The following SESTD1 variants were observed in gnomAD, a reference collection of about 807,000 sequenced individuals.
The protein encoded by SESTD1 is SEC14 domain and spectrin repeat-containing protein 1.
SESTD1 carries 43 observed loss-of-function variants against 101.7 expected under a neutral mutation model. That is an observed-to-expected ratio of 0.42 (90% CI 0.33 to 0.55). The LOEUF (loss-of-function observed/expected upper bound fraction) is 0.55. SESTD1 is among the 20% of genes least tolerant of loss of function. The probability of loss-of-function intolerance (pLI) is 0.07; values close to 1 mark genes in which losing one functional copy is unlikely to be tolerated. For synonymous variants in SESTD1, 283 were observed against 286.8 expected, an observed-to-expected ratio of 0.99 and a Z score of 0.13; for missense variants, 647 against 815.1, an observed-to-expected ratio of 0.79 and a Z score of 2.51.
intron 2 of SESTD1, among the ~76,000 whole-genome samples, chr2:179,185,427 T>C (rs2046196538): frequency 6.9e-6 from 1 of 144,938 alleles, no homozygotes; most frequent in African/African-American, 2.5e-5. Context: ...ATATAGTATA[T>C]TCTATATTGT....
intron 2 of SESTD1, among the ~76,000 whole-genome samples, chr2:179,185,660 TACAA>T (rs1559134162): frequency 1.6e-4 from 12 of 75,320 alleles, no homozygotes; most frequent in East Asian, 6.4e-4. Flanking sequence ...ATATAGCATA[TACAA>T]TATATAATAT....
intron 1 of SESTD1, among the ~76,000 whole-genome samples, chr2:179,234,113 A>T (rs1250478847): frequency 6.6e-6 from 1 of 152,218 alleles, no homozygotes; most frequent in Non-Finnish European, 1.5e-5. Context: ...TAGAACAAAA[A>T]GACTGACTCT....
chr2:179,110,050 A>G, intron 17 of SESTD1, 22 bp from the exon 18 acceptor site: 4 of 1,612,406 alleles, frequency 2.5e-6, no homozygotes, highest in Non-Finnish European at 3.4e-6. Context: ...AACACACAGA[A>G]AAACCTCAGA....
At chr2:179,183,815 GAAAGA>G (rs1303995920) in intron 2 of SESTD1, among the ~76,000 whole-genome samples, 1 of 136,544 alleles carries the variant, frequency 7.3e-6, no homozygotes, top group African/African-American at 2.7e-5. Flanking sequence ...TGCATGGAAA[GAAAGA>G]AAAGAAAAGA....
At chr2:179,190,759 C>G (rs1198871280) in intron 2 of SESTD1, among the ~76,000 whole-genome samples, 4 of 152,058 alleles carry the variant, frequency 2.6e-5, no homozygotes, top group Non-Finnish European at 5.9e-5. Flanking sequence ...AGAAGACACA[C>G]AAGTGGCCAA....
chr2:179,253,013 A>G (rs1261643640), intron 1 of SESTD1, among the ~76,000 whole-genome samples: 3 of 152,180 alleles, frequency 2.0e-5, no homozygotes, highest in Non-Finnish European at 4.4e-5. Flanking sequence ...AATGAATTAT[A>G]AAAGTCTGGG....
At chr2:179,239,204 G>C (rs1222787800) in intron 1 of SESTD1, among the ~76,000 whole-genome samples, 2 of 152,050 alleles carry the variant, frequency 1.3e-5, no homozygotes, top group Non-Finnish European at 2.9e-5. Context: ...TACTGTTCCT[G>C]CAACCACCTT....
chr2:179,119,043 G>A (rs1362289594), intron 13 of SESTD1, among the ~76,000 whole-genome samples: 1 of 152,202 alleles, frequency 6.6e-6, no homozygotes, highest in Non-Finnish European at 1.5e-5. Context: ...GATTTTATGG[G>A]AATGTTATAG....
At chr2:179,146,107 T>C (rs1371662205) in intron 8 of SESTD1, among the ~76,000 whole-genome samples, 1 of 151,212 alleles carries the variant, frequency 6.6e-6, no homozygotes, top group Non-Finnish European at 1.5e-5. Flanking sequence ...GGCACCAGAT[T>C]CTCATAGGAG....
intron 1 of SESTD1, among the ~76,000 whole-genome samples, chr2:179,245,740 G>C (rs938570243): frequency 1.3e-5 from 2 of 151,776 alleles, no homozygotes; most frequent in African/African-American, 2.4e-5. Flanking sequence ...AAAGAAAACA[G>C]ACAAAAGAGA....
At position 179,208,743 on chromosome 2, in the gene SESTD1, C is replaced by T. The variant is rs1224090502; in HGVS notation, c.-25-16877G>A. ...ACCTCTAAATCTTGAAACAAATCCT[C>T]GAAATACACCAAAATAGAATCTCCT... On this transcript the variant is annotated intron_variant, in intron 1 of 17. Coordinates refer to ENST00000428443, the MANE Select transcript of SESTD1 (RefSeq NM_178123.5). 1.5e-5 allele frequency among the ~76,000 whole-genome samples: 2 copies of T among 134,840 alleles called. 1 individual carries two copies. Among genetic ancestry groups the T allele is most frequent in the African/African-American group, 5.9e-5 (2 of 34,114 alleles). 88.5% of individuals were successfully genotyped at this position (134,840 alleles called of 152,430 possible).
Position 179,215,892 on chromosome 2 carries a change from C to T in SESTD1, c.-25-24026G>A, listed in dbSNP as rs576152360. Among the ~76,000 whole-genome samples, 20 of 135,370 alleles carry T rather than the reference C, an allele frequency of 1.5e-4. 7 individuals carry two copies. Among genetic ancestry groups the T allele is most frequent in the African/African-American group, 5.8e-4 (20 of 34,410 alleles). 88.8% of individuals were successfully genotyped at this position (135,370 alleles called of 152,430 possible). ...TAAACAGTACCAACAACAAAAACCA[C>T]ATGATTATATCAACAGATGCAGAAA... On this transcript the variant is annotated intron_variant, in intron 1 of 17. Transcript: ENST00000428443.
chr2:179,109,678 G>T lies in SESTD1; in HGVS notation c.*221C>A. 1.8e-6 allele frequency: 1 copy of T among 545,058 alleles called. No homozygotes were observed. Among genetic ancestry groups the T allele is most frequent in the Non-Finnish European group, 3.1e-6 (1 of 319,164 alleles). The allele number at this position is 545,058 out of a possible 1,614,324, so 33.8% of individuals were successfully genotyped here. On this transcript the variant is annotated 3_prime_UTR_variant, in exon 18 of 18. Transcript: ENST00000428443. ...GCAAGTTTTCAGTGCAATGTTTATAGTTCCTTCTTTTAAGATACTTGGAAT... is the reference window on the plus strand; with the variant it reads ...GCAAGTTTTCAGTGCAATGTTTATATTTCCTTCTTTTAAGATACTTGGAAT...
intron 15 of SESTD1, 103 bp downstream of exon 15, chr2:179,116,561 TAACA>T (rs1251765314): frequency 6.4e-7 from 1 of 1,553,640 alleles, no homozygotes; most frequent in East Asian, 2.3e-5. Context: ...ACTTCTGGAA[TAACA>T]AAACTAACCT....
chr2:179,174,003 C>G (rs960703448), intron 4 of SESTD1, among the ~76,000 whole-genome samples: 1 of 152,118 alleles, frequency 6.6e-6, no homozygotes, highest in Non-Finnish European at 1.5e-5. Flanking sequence ...TCTGCAACAA[C>G]TGGATTGTGA....
chr2:179,146,050 C>A (rs1342843456), intron 8 of SESTD1, among the ~76,000 whole-genome samples: 1 of 149,586 alleles, frequency 6.7e-6, no homozygotes, highest in Admixed American at 6.7e-5. Flanking sequence ...GAGCGGCAGG[C>A]CAGCAAGCAT....
chr2:179,213,317 G>A (rs1283101593), intron 1 of SESTD1, among the ~76,000 whole-genome samples: 1 of 135,002 alleles, frequency 7.4e-6, no homozygotes. Flanking sequence ...ACCTGATGGA[G>A]CTGAAAACCA....
rs114134489 is a variant in SESTD1 at position 179,241,225 on chromosome 2, T to C, written c.-26+23274A>G. ...ATCCTCAAGGACCAGTGAGACTATATGAAAGATCAAACATTTGTTTCACTG... is the reference window on the plus strand; with the variant it reads ...ATCCTCAAGGACCAGTGAGACTATACGAAAGATCAAACATTTGTTTCACTG... On this transcript the variant is annotated intron_variant, in intron 1 of 17. Transcript: ENST00000428443. 1.3e-3 allele frequency among the ~76,000 whole-genome samples: 191 copies of C among 152,174 alleles called. 3 individuals carry two copies. Among genetic ancestry groups the C allele is most frequent in the Non-Finnish European group, 1.5e-3 (101 of 68,012 alleles).
At chr2:179,179,933 C>A (rs1479684938) in intron 3 of SESTD1, among the ~76,000 whole-genome samples, 1 of 152,196 alleles carries the variant, frequency 6.6e-6, no homozygotes, top group Admixed American at 6.6e-5. Flanking sequence ...TTCCTGCTCA[C>A]TCTGTCTTCA....
Sources: allele counts gnomAD v4.1 joint callset (sites outside exome capture counted in the v4.1 genomes callset), GRCh38; gene constraint gnomAD v4.1.1; transcripts MANE v1.5; gene names NCBI Gene and HGNC (gene_info 2026-07-23, HGNC 2026-07-21).